Variants in HDAC7 observed in about 807,000 individuals in gnomAD.
HDAC7 encodes the protein histone deacetylase 7A.
Under a neutral mutation model 115.5 loss-of-function variants are expected in HDAC7, and 26 were observed. That is an observed-to-expected ratio of 0.23 (90% CI 0.16 to 0.31). The LOEUF (loss-of-function observed/expected upper bound fraction) is 0.31. Among genes scored for constraint, HDAC7 ranks in the 10% least tolerant of loss-of-function variants. The pLI is 1.00. For missense variants in HDAC7, 1,068 were observed against 1,329.0 expected, an observed-to-expected ratio of 0.80 and a Z score of 3.05; for synonymous variants, 564 against 550.9, an observed-to-expected ratio of 1.02 and a Z score of -0.33.
chr12:47,815,754 G>A (rs1944830575), intron 1 of HDAC7, among the ~76,000 whole-genome samples: 1 of 152,172 alleles, frequency 6.6e-6, no homozygotes, highest in Non-Finnish European at 1.5e-5. Flanking sequence ...TGGGACTACA[G>A]GCCTGCGCCA....
chr12:47,798,507 G>A lies in HDAC7; in HGVS notation c.349+55C>T. 2 of 1,527,132 alleles carry A rather than the reference G, an allele frequency of 1.3e-6. No homozygotes were observed. Among genetic ancestry groups the A allele is most frequent in the Non-Finnish European group, 1.8e-6 (2 of 1,105,112 alleles). The allele number at this position is 1,527,132 out of a possible 1,614,324, so 94.6% of individuals were successfully genotyped here. A position where few individuals can be genotyped will look rare whatever the true frequency, so the allele number is the denominator to read the frequency against. On this transcript the variant is annotated intron_variant, in intron 4 of 25. Transcript: ENST00000080059. The surrounding 1 kb of genome is among the most constrained non-coding windows in gnomAD (Gnocchi z 4.3). ...TCACCCCTCACAAGCCACACAGGCAGCCGCAGGCACCTGGCTGGTGGGGCT... is the reference window on the plus strand; with the variant it reads ...TCACCCCTCACAAGCCACACAGGCAACCGCAGGCACCTGGCTGGTGGGGCT...
At chr12:47,791,517 C>A in intron 15 of HDAC7, 69 bp downstream of exon 15, 4 of 1,538,360 alleles carry the variant, frequency 2.6e-6, no homozygotes, top group Non-Finnish European at 3.5e-6. Context: ...CGGGCAGAGC[C>A]GAGACAGGAG....
In HDAC7 at chr12:47,798,766, C is replaced by T. The variant is rs370572578; in HGVS notation, c.258+19G>A. 25 of 1,554,594 alleles carry T rather than the reference C, an allele frequency of 1.6e-5. No homozygotes were observed. The African/African-American group carries it at 3.3e-4, about 20-fold the overall frequency. On this transcript the variant is annotated intron_variant, in intron 3 of 25. Transcript: ENST00000080059. This position sits in a 1 kb window ranked among gnomAD's most constrained non-coding sequence, Gnocchi z 4.3. ...ACCAAGCTCAAGGTGGCCCCACATG[C>T]AGGGAGCTCCATCTTTACCCTCATG...
Position 47,798,339 on chromosome 12 carries a change from G to A in HDAC7, c.350-120C>T. On this transcript the variant is annotated intron_variant, in intron 4 of 25. Coordinates refer to ENST00000080059, the MANE Select transcript of HDAC7 (RefSeq NM_015401.5). The surrounding 1 kb of genome is among the most constrained non-coding windows in gnomAD (Gnocchi z 4.3). ...GGCGTCCCAGGGACTCCCTAGGCAA[G>A]AGCCAAGCCCGAGGCCCTACCCCTC... 1.1e-6 allele frequency: 1 copy of A among 906,352 alleles called. No individual in the cohort carries two copies. Among genetic ancestry groups the A allele is most frequent in the Non-Finnish European group, 1.8e-6 (1 of 564,348 alleles). 56.1% of individuals were successfully genotyped at this position (906,352 alleles called of 1,614,324 possible). A position where few individuals can be genotyped will look rare whatever the true frequency, so the allele number is the denominator to read the frequency against.
chr12:47,791,516 C>A, intron 15 of HDAC7, 70 bp downstream of exon 15: 5 of 1,535,488 alleles, frequency 3.3e-6, no homozygotes, highest in Non-Finnish European at 4.4e-6. Context: ...GCGGGCAGAG[C>A]CGAGACAGGA....
At chr12:47,790,986 G>GC (rs1401509141) in intron 16 of HDAC7, 20 of 557,448 alleles carry the variant, frequency 3.6e-5, no homozygotes, top group African/African-American at 3.5e-4. Flanking sequence ...CCCAGCCTTG[G>GC]CCCTGCTCCT....
chr12:47,813,290 G>C (rs931230248), intron 1 of HDAC7: 2 of 151,730 alleles, frequency 1.3e-5, no homozygotes, highest in Non-Finnish European at 2.9e-5. Flanking sequence ...CGGACGTCCC[G>C]GACGTGCAGG....
chr12:47,802,706 G>C (rs763727466), intron 1 of HDAC7, among the ~76,000 whole-genome samples: 2 of 152,108 alleles, frequency 1.3e-5, no homozygotes, highest in African/African-American at 4.8e-5. Context: ...GGGATGGCTG[G>C]GGGGACAGGA....
chr12:47,790,940 T>G, intron 16 of HDAC7: 1 of 463,712 alleles, frequency 2.2e-6, no homozygotes, highest in Non-Finnish European at 3.9e-6. Context: ...CAATGCCCAG[T>G]CATGGGGGTC....
chr12:47,783,764 G>C lies in HDAC7; in HGVS notation c.*77C>G. 1 of 1,435,082 alleles carries C rather than the reference G, an allele frequency of 7.0e-7. No homozygotes were observed. 88.9% of individuals were successfully genotyped at this position (1,435,082 alleles called of 1,614,324 possible). A position where few individuals can be genotyped will look rare whatever the true frequency, so the allele number is the denominator to read the frequency against. On this transcript the variant is annotated 3_prime_UTR_variant, in exon 26 of 26. Coordinates refer to ENST00000080059, the MANE Select transcript of HDAC7 (RefSeq NM_015401.5). ...GCCCACAGGATCTCTAAAGACCCAG[G>C]AATGGGGGCTATTGCCAGGGGTTAG...
Position 47,797,042 on chromosome 12 carries a change from C to T in HDAC7, c.678G>A (p.Arg226=). The stretch of plus-strand genomic sequence containing the variant: ...CTCCGAGGGTCTCTGCGGGCCGCCG[C>T]CGGAGGCTGGGGGGCGCACTCTCCT... ...LRKESAPPSL[R]RRPAETLGDS... is the part of the protein sequence containing the mutation. The change falls in exon 7 of 26, where the codon CGG becomes CGA. Residue 226 remains arginine (R), a synonymous_variant. Coordinates refer to ENST00000080059, the MANE Select transcript of HDAC7 (RefSeq NM_015401.5). The surrounding 1 kb of genome is among the most constrained non-coding windows in gnomAD (Gnocchi z 5.5). 1 of 1,586,322 alleles carries T rather than the reference C, an allele frequency of 6.3e-7. No homozygotes were observed. Among genetic ancestry groups the T allele is most frequent in the Non-Finnish European group, 8.6e-7 (1 of 1,168,382 alleles).
chr12:47,786,002 A>G, intron 22 of HDAC7, 117 bp from the exon 23 acceptor site: 1 of 1,048,216 alleles, frequency 9.5e-7, no homozygotes, highest in Non-Finnish European at 1.3e-6. Context: ...ACATGTATCA[A>G]TCACTATTTC....
intron 19 of HDAC7, chr12:47,788,981 C>G: frequency 2.3e-6 from 1 of 430,082 alleles, no homozygotes; most frequent in Non-Finnish European, 4.2e-6. Flanking sequence ...ATTACTAGAT[C>G]TGCCAAAAGA....
chr12:47,801,207 G>C lies in HDAC7; in HGVS notation c.70+1017C>G, dbSNP rs147882841. Among the ~76,000 whole-genome samples the C allele has an allele frequency of 1.9e-3, 294 of 152,304 alleles. 1 individual carries two copies. The highest frequency in any genetic ancestry group is 3.3e-3 in the Non-Finnish European group (225 of 68,036). ...TGTTCCACACCAGGATTAGTGCTCTGTGGGCAGGTACCATGTCTGAGTTAA... is the reference window on the plus strand; with the variant it reads ...TGTTCCACACCAGGATTAGTGCTCTCTGGGCAGGTACCATGTCTGAGTTAA... On this transcript the variant is annotated intron_variant, in intron 2 of 25. Transcript: ENST00000080059.
In HDAC7 at chr12:47,783,770, G is replaced by C. The variant is rs1286463180; in HGVS notation, c.*71C>G. 2 of 1,469,136 alleles carry C rather than the reference G, an allele frequency of 1.4e-6. 1 individual carries two copies. The allele number at this position is 1,469,136 out of a possible 1,614,324, so 91.0% of individuals were successfully genotyped here. On this transcript the variant is annotated 3_prime_UTR_variant, in exon 26 of 26. Transcript: ENST00000080059. ...AGGATCTCTAAAGACCCAGGAATGG[G>C]GGCTATTGCCAGGGGTTAGAAGAGA...
chr12:47,796,124 C>G, intron 8 of HDAC7, 83 bp downstream of exon 8: 1 of 1,524,094 alleles, frequency 6.6e-7, no homozygotes, highest in Non-Finnish European at 8.9e-7. Flanking sequence ...ACCCTGCAGC[C>G]CCAGCCCAGG....
At position 47,793,835 on chromosome 12, in the gene HDAC7, A is replaced by G. The variant is rs1943662238; in HGVS notation, c.1459-247T>C. The stretch of plus-strand genomic sequence containing the variant: ...CAGCTCCCCGGGCCCTTGGGGCTCC[A>G]AAGCCAGGAACCAGGGGAGGGGCGC... On this transcript the variant is annotated intron_variant, in intron 12 of 25. Coordinates refer to ENST00000080059, the MANE Select transcript of HDAC7 (RefSeq NM_015401.5). The surrounding 1 kb of genome is among the most constrained non-coding windows in gnomAD (Gnocchi z 4.5). 6.6e-6 allele frequency among the ~76,000 whole-genome samples: 1 copy of G among 152,172 alleles called. No individual in the cohort carries two copies.
rs1449597026 is a variant in HDAC7 at position 47,797,831 on chromosome 12, CAT to C, written c.461+275_461+276del. 1.4e-5 allele frequency among the ~76,000 whole-genome samples: 2 copies of C among 142,388 alleles called. No homozygotes were observed. Among genetic ancestry groups the C allele is most frequent in the Admixed American group, 1.4e-4 (2 of 14,336 alleles). The allele number at this position is 142,388 out of a possible 152,430, so 93.4% of individuals were successfully genotyped here. On this transcript the variant is annotated intron_variant, in intron 5 of 25. Transcript: ENST00000080059. This position sits in a 1 kb window ranked among gnomAD's most constrained non-coding sequence, Gnocchi z 5.5. ...GGAAAATATAAAGAGAGAAGGGGCT[CAT>C]GTGCAAGAAAAAAGCCAGTAGGGTG...
Position 47,795,427 on chromosome 12 carries a change from A to C in HDAC7, c.1088-47T>G. 1 of 1,373,458 alleles carries C rather than the reference A, an allele frequency of 7.3e-7. No homozygotes were observed. Among genetic ancestry groups the C allele is most frequent in the Non-Finnish European group, 1.0e-6 (1 of 996,458 alleles). The allele number at this position is 1,373,458 out of a possible 1,614,324, so 85.1% of individuals were successfully genotyped here. ...AATAAGGAGGGAACCACAGGGAGCAATGGAAGGAAGCGAGGGTATAGGGTG... is the reference window on the plus strand; with the variant it reads ...AATAAGGAGGGAACCACAGGGAGCACTGGAAGGAAGCGAGGGTATAGGGTG... On this transcript the variant is annotated intron_variant, in intron 10 of 25. Transcript: ENST00000080059. The surrounding 1 kb of genome is among the most constrained non-coding windows in gnomAD (Gnocchi z 4.3).
Sources: allele counts gnomAD v4.1 joint callset (sites outside exome capture counted in the v4.1 genomes callset), GRCh38; gene constraint gnomAD v4.1.1; non-coding constraint Gnocchi (gnomAD v3.1); transcripts MANE v1.5; gene names NCBI Gene and HGNC (gene_info 2026-07-23, HGNC 2026-07-21).